Variants in PCDHGA12 observed in about 807,000 individuals in gnomAD.
PCDHGA12 encodes protocadherin gamma subfamily A, 12, also known as protocadherin gamma-A12.
In PCDHGA12, 43 loss-of-function variants were observed where a neutral mutation model predicts 61.1. The ratio of observed to expected loss-of-function variants is 0.70; its 90% CI spans 0.55 to 0.91. The LOEUF (loss-of-function observed/expected upper bound fraction) is 0.91. Ranked by LOEUF, PCDHGA12 falls within the 40% of genes least tolerant of loss-of-function variation. The pLI, the probability that PCDHGA12 is intolerant of heterozygous loss-of-function variation, is 0.00. For synonymous variants in PCDHGA12, 520 were observed against 542.9 expected, an observed-to-expected ratio of 0.96 and a Z score of 0.59; for missense variants, 1,236 against 1,227.7, an observed-to-expected ratio of 1.01 and a Z score of -0.10.
intron 1 of PCDHGA12, among the ~76,000 whole-genome samples, chr5:141,483,658 G>C (rs906346163): frequency 1.4e-4 from 22 of 152,028 alleles, no homozygotes; most frequent in Non-Finnish European, 2.4e-4. Context: ...TTGTGTGTGT[G>C]TGTGTGTGTG....
At position 141,511,519 on chromosome 5, in the gene PCDHGA12, C is replaced by A; in HGVS notation, c.*346C>A. On this transcript the variant is annotated 3_prime_UTR_variant, in exon 4 of 4. Transcript: ENST00000252085. ...CCAAATCAATCAGGCCCATCCATCC[C>A]ATGCCTCCCTCCTCCCCACCCCACT... 2.7e-6 allele frequency: 1 copy of A among 367,516 alleles called. No individual in the cohort carries two copies. The highest frequency in any genetic ancestry group is 2.7e-5 in the South Asian group (1 of 36,848). 22.8% of individuals were successfully genotyped at this position (367,516 alleles called of 1,614,324 possible). A position where few individuals can be genotyped will look rare whatever the true frequency, so the allele number is the denominator to read the frequency against.
At chr5:141,471,708 T>G (rs1359785951) in intron 1 of PCDHGA12, among the ~76,000 whole-genome samples, 1 of 152,138 alleles carries the variant, frequency 6.6e-6, no homozygotes, top group Non-Finnish European at 1.5e-5. Context: ...GGAATAGAAG[T>G]GCCACTTACC....
At chr5:141,468,841 G>C (rs1189145481) in intron 1 of PCDHGA12, among the ~76,000 whole-genome samples, 3 of 152,014 alleles carry the variant, frequency 2.0e-5, no homozygotes, top group Non-Finnish European at 4.4e-5. Flanking sequence ...ACTCCAGCCT[G>C]GGCAACAGAG....
chr5:141,479,568 G>A (rs553213095), intron 1 of PCDHGA12: 2 of 152,346 alleles, frequency 1.3e-5, no homozygotes, highest in East Asian at 3.9e-4. Context: ...GTAGTGGGAT[G>A]ACATCTGTGA....
chr5:141,460,553 C>A (rs2098991893), intron 1 of PCDHGA12, among the ~76,000 whole-genome samples: 1 of 152,032 alleles, frequency 6.6e-6, no homozygotes. Context: ...AATCAAAAAT[C>A]ATTTGGCCAT....
rs1036281905 is a variant in PCDHGA12 at position 141,493,555 on chromosome 5, T to A, written c.2425-1252T>A. Among the ~76,000 whole-genome samples, 3 of 152,012 alleles carry A rather than the reference T, an allele frequency of 2.0e-5. No individual in the cohort carries two copies. ...GCCAGTTATCCTTTTGGAGATTGAG[T>A]TCCCCCAGCTCCGTTTCCTCCTATC... On this transcript the variant is annotated intron_variant, in intron 1 of 3. Transcript: ENST00000252085. The surrounding 1 kb of genome is among the most constrained non-coding windows in gnomAD (Gnocchi z 4.3).
chr5:141,509,691 AC>A (rs1471858383), intron 3 of PCDHGA12, among the ~76,000 whole-genome samples: 5 of 152,064 alleles, frequency 3.3e-5, no homozygotes, highest in African/African-American at 1.2e-4. Flanking sequence ...GTACAGTGGG[AC>A]GTTGGACTGG....
intron 1 of PCDHGA12, among the ~76,000 whole-genome samples, chr5:141,437,036 G>A (rs916860661): frequency 6.6e-6 from 1 of 152,294 alleles, no homozygotes; most frequent in Middle Eastern, 3.4e-3. Flanking sequence ...ATGGATCACC[G>A]AAACCAGAAG....
At chr5:141,465,880 TG>T (rs2154569018) in intron 1 of PCDHGA12, among the ~76,000 whole-genome samples, 1 of 152,096 alleles carries the variant, frequency 6.6e-6, no homozygotes, top group East Asian at 1.9e-4. Context: ...CCCAGCACTT[TG>T]GGAGGCCGAG....
At position 141,454,796 on chromosome 5, in the gene PCDHGA12, A is replaced by ATTTTTTTTTTTTTTTTTTTT. The variant is rs61612330; in HGVS notation, c.2424+21623_2424+21642dup. Among the ~76,000 whole-genome samples, 20 of 77,456 alleles carry ATTTTTTTTTTTTTTTTTTTT rather than the reference A, an allele frequency of 2.6e-4. 2 individuals carry two copies. Among genetic ancestry groups the ATTTTTTTTTTTTTTTTTTTT allele is most frequent in the South Asian group, 5.1e-4 (1 of 1,960 alleles). The allele number at this position is 77,456 out of a possible 152,430, so 50.8% of individuals were successfully genotyped here. On this transcript the variant is annotated intron_variant, in intron 1 of 3. Transcript: ENST00000252085. Reference sequence around the variant, plus strand: ...AAGGAAATAATCCTCCATGGTTCTAATTTTTTTTTTTTTTTTTTTTTTTTT... The same window carrying ATTTTTTTTTTTTTTTTTTTT: ...AAGGAAATAATCCTCCATGGTTCTAATTTTTTTTTTTTTTTTTTTTTTTTTTTTTTTTTTTTTTTTTTTTT...
rs1176011355 is a variant in PCDHGA12 at position 141,485,491 on chromosome 5, G to A, written c.2425-9316G>A. The A allele has an allele frequency of 1.2e-6, 2 of 1,614,142 alleles. No individual in the cohort carries two copies. Among genetic ancestry groups the A allele is most frequent in the Non-Finnish European group, 1.7e-6 (2 of 1,180,040 alleles). On this transcript the variant is annotated intron_variant, in intron 1 of 3. Transcript: ENST00000252085. This position sits in a 1 kb window ranked among gnomAD's most constrained non-coding sequence, Gnocchi z 5.7. ...TCAGTGCCAGCTGCATCGTGCCCCT[G>A]GAGTTTGTCACCGAAGGTCCTTTGG...
intron 1 of PCDHGA12, among the ~76,000 whole-genome samples, chr5:141,452,145 C>T (rs1414317332): frequency 6.6e-6 from 1 of 152,020 alleles, no homozygotes; most frequent in Non-Finnish European, 1.5e-5. Flanking sequence ...GTGTTTTTTC[C>T]AATGAGTTAT....
Position 141,489,560 on chromosome 5 carries a change from A to C in PCDHGA12, c.2425-5247A>C, listed in dbSNP as rs749076412. On this transcript the variant is annotated intron_variant, in intron 1 of 3. Coordinates refer to ENST00000252085, the MANE Select transcript of PCDHGA12 (RefSeq NM_003735.3). This position sits in a 1 kb window ranked among gnomAD's most constrained non-coding sequence, Gnocchi z 4.5. Reference sequence around the variant, plus strand: ...AGCACCAGCTGCCTGCTGCCAGTGCAGGTGGTGACTGAACACCCCCTGGAG... The same window carrying C: ...AGCACCAGCTGCCTGCTGCCAGTGCCGGTGGTGACTGAACACCCCCTGGAG... 2 of 1,614,142 alleles carry C rather than the reference A, an allele frequency of 1.2e-6. No individual in the cohort carries two copies. Among genetic ancestry groups the C allele is most frequent in the Admixed American group, 3.3e-5 (2 of 60,024 alleles).
intron 3 of PCDHGA12, among the ~76,000 whole-genome samples, chr5:141,509,347 C>A (rs755234053): frequency 2.6e-5 from 4 of 152,142 alleles, no homozygotes; most frequent in Non-Finnish European, 5.9e-5. Context: ...CCTGGGCTGG[C>A]CTGGGCATCC....
chr5:141,436,167 G>A (rs933669166), intron 1 of PCDHGA12, among the ~76,000 whole-genome samples: 2 of 152,088 alleles, frequency 1.3e-5, no homozygotes, highest in Non-Finnish European at 2.9e-5. Flanking sequence ...CATATGGACA[G>A]TTCTCATATA....
intron 1 of PCDHGA12, among the ~76,000 whole-genome samples, chr5:141,488,133 G>T (rs1046071550): frequency 6.6e-6 from 1 of 152,198 alleles, no homozygotes; most frequent in Non-Finnish European, 1.5e-5. Context: ...AGAAAGAGGA[G>T]AGAACTAAAG....
At position 141,491,587 on chromosome 5, in the gene PCDHGA12, G is replaced by A. The variant is rs1177701526; in HGVS notation, c.2425-3220G>A. 1.2e-6 allele frequency: 2 copies of A among 1,613,834 alleles called. No individual in the cohort carries two copies. Among genetic ancestry groups the A allele is most frequent in the African/African-American group, 2.7e-5 (2 of 74,926 alleles). On this transcript the variant is annotated intron_variant, in intron 1 of 3. Coordinates refer to ENST00000252085, the MANE Select transcript of PCDHGA12 (RefSeq NM_003735.3). The surrounding 1 kb of genome is among the most constrained non-coding windows in gnomAD (Gnocchi z 6.9). ...CAGGACGTGCTTTTCACCGGCCTCG[G>A]ACGGCAGTGACTTCACTTTTCTAAG...
In PCDHGA12 at chr5:141,476,467, G is replaced by A. The variant is rs375302797; in HGVS notation, c.2425-18340G>A. On this transcript the variant is annotated intron_variant, in intron 1 of 3. Transcript: ENST00000252085. This position sits in a 1 kb window ranked among gnomAD's most constrained non-coding sequence, Gnocchi z 7.6. Reference sequence around the variant, plus strand: ...AGTTGGTAGTGGAGAACCCGCTGGAGCTGTTCAGCGTGGAAGTGGTGATCC... The same window carrying A: ...AGTTGGTAGTGGAGAACCCGCTGGAACTGTTCAGCGTGGAAGTGGTGATCC... The A allele has an allele frequency of 2.3e-5, 37 of 1,614,142 alleles. No individual in the cohort carries two copies. The African/African-American group carries it at 4.5e-4, about 20-fold the overall frequency.
intron 1 of PCDHGA12, among the ~76,000 whole-genome samples, chr5:141,467,628 CA>C (rs1301043003): frequency 6.6e-6 from 1 of 152,106 alleles, no homozygotes; most frequent in Non-Finnish European, 1.5e-5. Context: ...TTTGAGATAG[CA>C]TCTTTATCAT....
Sources: gnomAD v4.1 joint callset for allele counts (sites outside exome capture counted in the v4.1 genomes callset) on GRCh38, gnomAD v4.1.1 for gene constraint, Gnocchi (gnomAD v3.1) non-coding constraint, MANE v1.5 for transcripts, NCBI Gene and HGNC (gene_info 2026-07-23, HGNC 2026-07-21) for gene names.